The following FER variants were observed in gnomAD, a reference collection of about 807,000 sequenced individuals.
FER encodes FER tyrosine kinase.
A neutral mutation model predicts 111.0 loss-of-function variants in FER; 63 were observed. The ratio of observed to expected loss-of-function variants is 0.57; its 90% CI spans 0.46 to 0.70. The LOEUF (loss-of-function observed/expected upper bound fraction) is 0.70, where lower values mean the gene tolerates loss of function less well. Ranked by LOEUF, FER falls within the 30% of genes least tolerant of loss-of-function variation. The pLI is 0.00. For synonymous variants in FER, 327 were observed against 313.9 expected, an observed-to-expected ratio of 1.04 and a Z score of -0.44; for missense variants, 914 against 954.0, an observed-to-expected ratio of 0.96 and a Z score of 0.55.
At chr5:109,130,672 T>G (rs557687930) in intron 17 of FER, among the ~76,000 whole-genome samples, 13 of 152,270 alleles carry the variant, frequency 8.5e-5, no homozygotes, top group Admixed American at 2.0e-4. Flanking sequence ...TGATAAATTT[T>G]ACGTTGTTTT....
intron 16 of FER, among the ~76,000 whole-genome samples, chr5:109,069,108 C>G (rs1423352811): frequency 3.8e-5 from 5 of 131,834 alleles, no homozygotes; most frequent in African/African-American, 1.4e-4. Flanking sequence ...GATCAGTAAA[C>G]TTTTTCTTGA....
In FER at chr5:108,917,453, AT is replaced by A. The variant is rs532957189; in HGVS notation, c.1236+19608del. On this transcript the variant is annotated intron_variant, in intron 10 of 19. Transcript: ENST00000281092. ...TTCTCCACAGGAATATGAAAGTCTA[AT>A]TTAACTTTTTTTCAGATAAGTCAGT... is the stretch of plus-strand genomic sequence containing the variant. 6.8e-3 allele frequency among the ~76,000 whole-genome samples: 1,040 copies of A among 152,280 alleles called. 7 individuals are homozygous for A. The highest frequency in any genetic ancestry group is 0.024 in the African/African-American group (1,013 of 41,564).
intron 8 of FER, among the ~76,000 whole-genome samples, chr5:108,882,909 G>A (rs923164667): frequency 6.6e-6 from 1 of 151,714 alleles, no homozygotes; most frequent in African/African-American, 2.4e-5. Flanking sequence ...ACTACAATAT[G>A]TGAAAATAGA....
At chr5:108,969,788 A>C (rs951351432) in intron 13 of FER, among the ~76,000 whole-genome samples, 2 of 148,226 alleles carry the variant, frequency 1.3e-5, no homozygotes, top group Non-Finnish European at 2.9e-5. Context: ...AGCAGTTTAT[A>C]AAATAGCATT....
intron 11 of FER, among the ~76,000 whole-genome samples, chr5:108,949,074 G>T (rs1757383243): frequency 6.6e-6 from 1 of 151,962 alleles, no homozygotes. Flanking sequence ...CCTTCATATA[G>T]AATAATATTG....
chr5:108,778,563 G>C (rs1753735082), intron 2 of FER, among the ~76,000 whole-genome samples: 1 of 152,236 alleles, frequency 6.6e-6, no homozygotes, highest in South Asian at 2.1e-4. Context: ...GTTTTAATGT[G>C]CATTTCCTAG....
chr5:108,916,470 T>C (rs1417299297), intron 10 of FER, among the ~76,000 whole-genome samples: 1 of 152,126 alleles, frequency 6.6e-6, no homozygotes, highest in African/African-American at 2.4e-5. Context: ...CAAACAGAAA[T>C]CTGAAATGTA....
chr5:108,855,674 G>A (rs1388888644), intron 5 of FER, among the ~76,000 whole-genome samples: 145 of 152,154 alleles, frequency 9.5e-4, no homozygotes, highest in Non-Finnish European at 2.1e-4. Flanking sequence ...GACAGATGTG[G>A]GAAGATAGGT....
At chr5:108,902,402 C>T (rs1483132172) in intron 10 of FER, among the ~76,000 whole-genome samples, 4 of 152,062 alleles carry the variant, frequency 2.6e-5, no homozygotes, top group East Asian at 3.9e-4. Flanking sequence ...CTGTGTATTT[C>T]CCATTAGTTT....
chr5:109,151,744 C>A (rs1410177766), intron 17 of FER, among the ~76,000 whole-genome samples: 2 of 152,126 alleles, frequency 1.3e-5, no homozygotes, highest in South Asian at 2.1e-4. Context: ...TCATCTTTCT[C>A]ATGTTTTAGA....
At chr5:109,170,846 A>G (rs1275620474) in intron 17 of FER, among the ~76,000 whole-genome samples, 1 of 152,132 alleles carries the variant, frequency 6.6e-6, no homozygotes, top group Non-Finnish European at 1.5e-5. Flanking sequence ...CTTTGCCAGG[A>G]CCATCTACCA....
At chr5:108,770,327 A>G (rs533376272) in intron 2 of FER, among the ~76,000 whole-genome samples, 2 of 152,246 alleles carry the variant, frequency 1.3e-5, no homozygotes, top group Non-Finnish European at 2.9e-5. Context: ...ATTGGTCTAT[A>G]CTTTTATACT....
intron 16 of FER, among the ~76,000 whole-genome samples, chr5:109,094,731 G>A (rs1022811813): frequency 6.6e-6 from 1 of 152,290 alleles, no homozygotes; most frequent in East Asian, 1.9e-4. Flanking sequence ...ACAGGCAATA[G>A]GCTGGATTGG....
chr5:108,790,235 C>CCA (rs66805209), intron 2 of FER, among the ~76,000 whole-genome samples: 5,291 of 145,138 alleles, frequency 0.036, 110 homozygotes, highest in South Asian at 0.056. Flanking sequence ...TGCATACACA[C>CCA]CACACACACA....
At chr5:109,028,668 T>C (rs1426476036) in intron 13 of FER, among the ~76,000 whole-genome samples, 1 of 152,178 alleles carries the variant, frequency 6.6e-6, no homozygotes, top group Non-Finnish European at 1.5e-5. Flanking sequence ...AAGGCTCACA[T>C]AAGTTAACAT....
chr5:108,861,790 A>G (rs549864027), intron 5 of FER, among the ~76,000 whole-genome samples: 1 of 152,278 alleles, frequency 6.6e-6, no homozygotes, highest in South Asian at 2.1e-4. Flanking sequence ...AGGAATTTTA[A>G]AATTTTTATT....
chr5:108,754,096 T>A (rs1311089446), intron 1 of FER, among the ~76,000 whole-genome samples: 1 of 152,090 alleles, frequency 6.6e-6, no homozygotes, highest in African/African-American at 2.4e-5. Flanking sequence ...TCTACTCTGA[T>A]TTATTGGAGA....
intron 6 of FER, among the ~76,000 whole-genome samples, chr5:108,870,636 GTAA>G (rs202172458): frequency 1.1e-4 from 16 of 142,784 alleles, no homozygotes; most frequent in African/African-American, 4.0e-4. Context: ...TTTTTTATAA[GTAA>G]TGATGGTGGA....
chr5:108,755,041 A>T (rs1750929061), intron 1 of FER, among the ~76,000 whole-genome samples: 1 of 152,228 alleles, frequency 6.6e-6, no homozygotes, highest in African/African-American at 2.4e-5. Context: ...AATGCAGTCA[A>T]ATTTAATGGA....
Sources: gnomAD v4.1 joint callset for allele counts (sites outside exome capture counted in the v4.1 genomes callset) on GRCh38, gnomAD v4.1.1 for gene constraint, MANE v1.5 for transcripts, NCBI Gene and HGNC (gene_info 2026-07-23, HGNC 2026-07-21) for gene names.